The following KMT2B variants were observed in gnomAD, a reference collection of about 807,000 sequenced individuals.
KMT2B encodes histone-lysine N-methyltransferase 2B.
Under a neutral mutation model 255.3 loss-of-function variants are expected in KMT2B, and 22 were observed. The observed-to-expected ratio is 0.09, with a 90% CI of 0.06 to 0.12. KMT2B has a LOEUF of 0.12. KMT2B is among the 10% of genes least tolerant of loss of function. The pLI, the probability that KMT2B is intolerant of heterozygous loss-of-function variation, is 1.00. For missense variants in KMT2B, 3,149 were observed against 3,737.0 expected, an observed-to-expected ratio of 0.84 and a Z score of 4.10; for synonymous variants, 1,730 against 1,498.1, an observed-to-expected ratio of 1.15 and a Z score of -3.57.
In KMT2B at chr19:35,738,470, C is replaced by G; in HGVS notation, c.8061C>G (p.Thr2687=). The change falls in exon 37 of 37, where the codon ACC becomes ACG. Residue 2687 remains threonine (T), a synonymous_variant. Transcript: ENST00000420124. This position sits in a 1 kb window ranked among gnomAD's most constrained non-coding sequence, Gnocchi z 8.7. ...LRRILRGEEL[T]YDYKFPIEDA... ...GCATCCTGCGTGGTGAGGAGCTCAC[C>G]TACGACTACAAGTTCCCCATCGAGG... The G allele has an allele frequency of 1.9e-6, 3 of 1,614,136 alleles. No individual in the cohort carries two copies. The highest frequency in any genetic ancestry group is 1.1e-5 in the South Asian group (1 of 91,086).
rs759918812 is a variant in KMT2B, at chr19:35,720,978, G to A, written c.1631G>A (p.Arg544Gln). The change falls in exon 3 of 37, where the codon CGG (arginine) becomes CAG (glutamine). Residue 544 changes from arginine to glutamine, a missense_variant. Arg to Gln is a conservative substitution (Grantham distance 43, BLOSUM62 1). Around this residue, in one of 18 missense-constraint regions of KMT2B, gnomAD observed 1,188 missense variants for 1,106.4 expected, o/e 1.07. Coordinates refer to ENST00000420124, the MANE Select transcript of KMT2B (RefSeq NM_014727.3). ...ARSSRVIKTPRRFMDEDPPKP... is the reference protein window; with the variant it reads ...ARSSRVIKTPQRFMDEDPPKP... ...TCCTCCCGTGTCATCAAGACACCCC[G>A]GCGATTTATGGATGAAGACCCCCCC... The A allele has an allele frequency of 9.3e-6, 15 of 1,611,784 alleles. No individual in the cohort carries two copies. Among genetic ancestry groups the A allele is most frequent in the South Asian group, 3.3e-5 (3 of 90,632 alleles).
chr19:35,720,933 T>C lies in KMT2B; in HGVS notation c.1586T>C (p.Met529Thr), dbSNP rs866671941. The C allele has an allele frequency of 6.2e-7, 1 of 1,611,748 alleles. No individual in the cohort carries two copies. The highest frequency in any genetic ancestry group is 1.1e-5 in the South Asian group (1 of 90,514). ...CTGAAGAATATCCGGCAGTTTATTA[T>C]GCCTGTGGTGAGTGCCCGCTCCTCC... ...TFLKNIRQFIMPVVSARSSRV... is the reference protein window; with the variant it reads ...TFLKNIRQFITPVVSARSSRV... Residue 529 changes from methionine to threonine, a missense_variant, in exon 3 of 37, where the codon ATG (methionine) becomes ACG (threonine). Around this residue, in one of 18 missense-constraint regions of KMT2B, gnomAD observed 1,188 missense variants for 1,106.4 expected, o/e 1.07. Transcript: ENST00000420124.
Position 35,725,859 on chromosome 19 carries a change from A to G in KMT2B, c.3885+41A>G, listed in dbSNP as rs761019591. On this transcript the variant is annotated intron_variant, in intron 13 of 36. Coordinates refer to ENST00000420124, the MANE Select transcript of KMT2B (RefSeq NM_014727.3). The surrounding 1 kb of genome is among the most constrained non-coding windows in gnomAD (Gnocchi z 4.1). The stretch of plus-strand genomic sequence containing the variant: ...CACCCACTTGCTTTGTCTCTAATGA[A>G]TATCACCACCACCCCCAAACTTGCT... The G allele has an allele frequency of 1.2e-5, 18 of 1,492,908 alleles. No homozygotes were observed. In the Admixed American group the frequency reaches 3.5e-4, roughly 29 times the overall value. 92.5% of individuals were successfully genotyped at this position (1,492,908 alleles called of 1,614,324 possible). A position where few individuals can be genotyped will look rare whatever the true frequency, so the allele number is the denominator to read the frequency against.
In KMT2B at chr19:35,737,603, G is replaced by A. The variant is rs985124801; in HGVS notation, c.7551-33G>A. 2.9e-6 allele frequency: 4 copies of A among 1,403,194 alleles called. No homozygotes were observed. The highest frequency in any genetic ancestry group is 1.3e-5 in the South Asian group (1 of 79,956). 86.9% of individuals were successfully genotyped at this position (1,403,194 alleles called of 1,614,324 possible). ...TTCCCTGTTAGCTCTGTCTTCAACA[G>A]TATATTCCTCCTTCCCCTGCTGCCA... On this transcript the variant is annotated intron_variant, in intron 33 of 36. Coordinates refer to ENST00000420124, the MANE Select transcript of KMT2B (RefSeq NM_014727.3). This position sits in a 1 kb window ranked among gnomAD's most constrained non-coding sequence, Gnocchi z 5.3.
At position 35,732,890 on chromosome 19, in the gene KMT2B, T is replaced by G; in HGVS notation, c.6341T>G (p.Val2114Gly). ...CCTGAGGACCTGCCATCGGAAATTGTGGATTTTGTGTTGAAGAACCTAGGG... is the reference window on the plus strand; with the variant it reads ...CCTGAGGACCTGCCATCGGAAATTGGGGATTTTGTGTTGAAGAACCTAGGG... ...RPPEDLPSEIVDFVLKNLGGP... is the reference protein window; with the variant it reads ...RPPEDLPSEIGDFVLKNLGGP... Residue 2114 changes from valine (V) to glycine (G), a missense_variant, in exon 28 of 37, where the codon GTG becomes GGG. Around this residue, in one of 18 missense-constraint regions of KMT2B, gnomAD observed 897 missense variants for 825.3 expected, o/e 1.09. Transcript: ENST00000420124. The G allele has an allele frequency of 6.2e-7, 1 of 1,610,396 alleles. No homozygotes were observed. The highest frequency in any genetic ancestry group is 2.2e-5 in the East Asian group (1 of 44,790).
At chr19:35,730,222 C>T (rs1969637838) in intron 23 of KMT2B, 97 bp downstream of exon 23, 2 of 1,597,356 alleles carry the variant, frequency 1.3e-6, no homozygotes, top group Admixed American at 1.7e-5. Flanking sequence ...TACTGCCTCT[C>T]AGTGTCTCCT....
chr19:35,721,876 C>T, intron 3 of KMT2B, 72 bp downstream of exon 3: 1 of 1,454,682 alleles, frequency 6.9e-7, no homozygotes, highest in Non-Finnish European at 9.0e-7. Flanking sequence ...CCCTAACCTT[C>T]CGCCTCCTTG....
chr19:35,730,320 A>C (rs752599191), intron 23 of KMT2B, 22 bp from the exon 24 acceptor site: 1 of 1,608,326 alleles, frequency 6.2e-7, no homozygotes, highest in South Asian at 1.1e-5. Flanking sequence ...CAGCCACCTC[A>C]CTTTGCCACC....
chr19:35,724,556 G>T (rs1420707005), intron 8 of KMT2B, 81 bp from the exon 9 acceptor site: 2 of 1,193,040 alleles, frequency 1.7e-6, no homozygotes, highest in African/African-American at 3.0e-5. Flanking sequence ...AAGGCCCTGG[G>T]AATCCAGGTA....
rs371471934 is a variant in KMT2B at position 35,721,054 on chromosome 19, C to G, written c.1707C>G (p.Thr569=). 2 of 1,610,326 alleles carry G rather than the reference C, an allele frequency of 1.2e-6. No homozygotes were observed. The highest frequency in any genetic ancestry group is 1.7e-6 in the Non-Finnish European group (2 of 1,178,738). Residue 569 remains threonine, a synonymous_variant, in exon 3 of 37, where the codon ACC becomes ACG. Coordinates refer to ENST00000420124, the MANE Select transcript of KMT2B (RefSeq NM_014727.3). The part of the protein sequence containing the change: ...VSPVLRPPIT[T]SPPVPQEPAP... ...CTGTCCTGCGACCTCCCATTACCAC[C>G]TCCCCACCTGTTCCCCAGGAGCCAG...
rs1292255502 is a variant in KMT2B at position 35,730,702 on chromosome 19, G to A, written c.5277-5G>A. ...GCATCCTAACCGTCTTATCCCACAT[G>A]CCAGGTGCTCCCGTCTGTACTGGAG... On this transcript the variant is annotated splice_region_variant and splice_polypyrimidine_tract_variant and intron_variant, in intron 25 of 36. Transcript: ENST00000420124. 5 of 1,613,922 alleles carry A rather than the reference G, an allele frequency of 3.1e-6. No homozygotes were observed. The highest frequency in any genetic ancestry group is 1.7e-5 in the Admixed American group (1 of 60,024).
chr19:35,721,210 T>TCCCCCCCCCCCCCCCC lies in KMT2B; in HGVS notation c.1868_1869insCCCCCCCCCCCCCCCC (p.Ala624ProfsTer57). 1.2e-6 allele frequency: 1 copy of TCCCCCCCCCCCCCCCC among 810,696 alleles called. No homozygotes were observed. The highest frequency in any genetic ancestry group is 1.6e-6 in the Non-Finnish European group (1 of 624,116). The allele number at this position is 810,696 out of a possible 1,614,324, so 50.2% of individuals were successfully genotyped here. ...CACTGACCCGGGAGCTGCCCCCTCC[T>TCCCCCCCCCCCCCCCC]CCCCCAGCCCCTCCACCTCCCCCGG... On this transcript the variant is annotated frameshift_variant, in exon 3 of 37. Coordinates refer to ENST00000420124, the MANE Select transcript of KMT2B (RefSeq NM_014727.3). LOFTEE classifies it high-confidence loss of function.
In KMT2B at chr19:35,733,947, C is replaced by A; in HGVS notation, c.7159+75C>A. The A allele has an allele frequency of 9.3e-7, 1 of 1,080,586 alleles. No individual in the cohort carries two copies. The highest frequency in any genetic ancestry group is 1.4e-6 in the Non-Finnish European group (1 of 720,188). 66.9% of individuals were successfully genotyped at this position (1,080,586 alleles called of 1,614,324 possible). A position where few individuals can be genotyped will look rare whatever the true frequency, so the allele number is the denominator to read the frequency against. On this transcript the variant is annotated intron_variant, in intron 30 of 36. Coordinates refer to ENST00000420124, the MANE Select transcript of KMT2B (RefSeq NM_014727.3). The surrounding 1 kb of genome is among the most constrained non-coding windows in gnomAD (Gnocchi z 4.3). ...GGGTGACTCACAGATGCAAAATCAGCCCTCTTTCAAAACCAGTATCTACTC... is the reference window on the plus strand; with the variant it reads ...GGGTGACTCACAGATGCAAAATCAGACCTCTTTCAAAACCAGTATCTACTC...
At position 35,725,878 on chromosome 19, in the gene KMT2B, A is replaced by C; in HGVS notation, c.3885+60A>C. ...TAATGAATATCACCACCACCCCCAA[A>C]CTTGCTCTAGGCTGGGGCTCTCAGG... On this transcript the variant is annotated intron_variant, in intron 13 of 36. Transcript: ENST00000420124. The surrounding 1 kb of genome is among the most constrained non-coding windows in gnomAD (Gnocchi z 4.1). 1.4e-6 allele frequency: 2 copies of C among 1,390,754 alleles called. No homozygotes were observed. The highest frequency in any genetic ancestry group is 1.2e-5 in the South Asian group (1 of 81,000). The allele number at this position is 1,390,754 out of a possible 1,614,324, so 86.2% of individuals were successfully genotyped here.
At position 35,718,379 on chromosome 19, in the gene KMT2B, G is replaced by A. The variant is rs1428169137; in HGVS notation, c.361G>A (p.Glu121Lys). The change falls in exon 1 of 37, where the codon GAG becomes AAG. Residue 121 changes from glutamate to lysine, a missense_variant and splice_region_variant. Physicochemically the swap from Glu to Lys is moderately conservative, Grantham distance 56. Transcript: ENST00000420124. This position sits in a 1 kb window ranked among gnomAD's most constrained non-coding sequence, Gnocchi z 5.0. ...EESSDGESDE[E>K]EFQGFHSDED... ...GAGCAGTGACGGGGAATCCGACGAG[G>A]AGGTGAGGCGGTTGGAGGCGTCCCC... 7.9e-7 allele frequency: 1 copy of A among 1,269,860 alleles called. No individual in the cohort carries two copies. Among genetic ancestry groups the A allele is most frequent in the Non-Finnish European group, 1.0e-6 (1 of 1,001,098 alleles). The allele number at this position is 1,269,860 out of a possible 1,614,324, so 78.7% of individuals were successfully genotyped here.
chr19:35,727,987 T>A lies in KMT2B; in HGVS notation c.4497+2T>A. 6.4e-7 allele frequency: 1 copy of A among 1,559,866 alleles called. No homozygotes were observed. Among genetic ancestry groups the A allele is most frequent in the South Asian group, 1.2e-5 (1 of 84,876 alleles). On this transcript the variant is annotated splice_donor_variant, in intron 18 of 36. Coordinates refer to ENST00000420124, the MANE Select transcript of KMT2B (RefSeq NM_014727.3). LOFTEE classifies it high-confidence loss of function. The surrounding 1 kb of genome is among the most constrained non-coding windows in gnomAD (Gnocchi z 4.2). ...CAGATGAAGGGGCTCCTGCTGAAGG[T>A]GAGCTCTTCCGGGGATGCTTGTGGG...
At position 35,720,124 on chromosome 19, in the gene KMT2B, G is replaced by A. The variant is rs370485207; in HGVS notation, c.777G>A (p.Val259=). The change falls in exon 3 of 37, where the codon GTG becomes GTA. Residue 259 remains valine (V), a synonymous_variant. Transcript: ENST00000420124. ...AGCCCCCACCTCCTGTGGTTCCAGT[G>A]AAACATCAGACTGGCAGCTGGAAAT... The part of the protein sequence containing the change: ...KPEPPPPVVP[V]KHQTGSWKCK... The A allele has an allele frequency of 3.8e-6, 6 of 1,598,754 alleles. No homozygotes were observed. The African/African-American group carries it at 6.7e-5, about 18-fold the overall frequency.
Position 35,721,334 on chromosome 19 carries a change from G to A in KMT2B, c.1987G>A (p.Glu663Lys), listed in dbSNP as rs1301144035. The change falls in exon 3 of 37, where the codon GAA (glutamate) becomes AAA (lysine). Residue 663 changes from glutamate (E) to lysine (K), a missense_variant. By Grantham distance (56) the Glu-to-Lys change is moderately conservative. This residue lies in a region of KMT2B where 1,188 missense variants were observed against 1,106.4 expected (regional missense o/e 1.07). Coordinates refer to ENST00000420124, the MANE Select transcript of KMT2B (RefSeq NM_014727.3). ...TPSEAHLKIY[E>K]SVLTPPPLGA... is the part of the protein sequence containing the mutation. ...AAGCGAAGCCCACCTGAAGATCTACGAATCGGTGCTTACTCCTCCTCCTCT... is the reference window on the plus strand; with the variant it reads ...AAGCGAAGCCCACCTGAAGATCTACAAATCGGTGCTTACTCCTCCTCCTCT... The A allele has an allele frequency of 3.2e-6, 5 of 1,565,734 alleles. No individual in the cohort carries two copies. The highest frequency in any genetic ancestry group is 3.5e-6 in the Non-Finnish European group (4 of 1,156,758).
In KMT2B at chr19:35,732,330, G is replaced by T. The variant is rs768544655; in HGVS notation, c.5781G>T (p.Arg1927=). ...SPLAPRPPPS[R]WASPPLKTSP... ...TGGCTCCCAGGCCGCCTCCATCACG[G>T]TGGGCCTCCCCTCCTCTAAAAACCT... Residue 1927 remains arginine (R), a synonymous_variant, in exon 28 of 37, where the codon CGG becomes CGT. Coordinates refer to ENST00000420124, the MANE Select transcript of KMT2B (RefSeq NM_014727.3). 2.5e-6 allele frequency: 4 copies of T among 1,611,036 alleles called. No homozygotes were observed. In the African/African-American group the frequency reaches 5.3e-5, roughly 22 times the overall value.
Sources: allele counts gnomAD v4.1 joint callset, GRCh38; gene constraint gnomAD v4.1.1; regional missense constraint gnomAD v4.1.1; non-coding constraint Gnocchi (gnomAD v3.1); transcripts MANE v1.5; gene names NCBI Gene and HGNC (gene_info 2026-07-23, HGNC 2026-07-21).